Variants in ZNRF3 observed in about 807,000 individuals in gnomAD.
ZNRF3 encodes the protein zinc and ring finger 3.
ZNRF3 carries 23 observed loss-of-function variants against 72.5 expected under a neutral mutation model. That is an observed-to-expected ratio of 0.32 (90% confidence interval 0.23 to 0.45). The LOEUF is 0.45. Ranked by LOEUF, ZNRF3 falls within the 20% of genes least tolerant of loss-of-function variation. The pLI is 1.00. For synonymous variants in ZNRF3, 610 were observed against 545.3 expected (o/e 1.12, Z -1.65); for missense variants, 1,169 against 1,272.1 (o/e 0.92, Z 1.23).
chr22:29,042,344 T>G (rs921667111), intron 2 of ZNRF3, 151 bp from the exon 3 acceptor site: 2 of 611,124 alleles, frequency 3.3e-6, no homozygotes, highest in African/African-American at 3.7e-5. Context: ...ATGGGAAAAT[T>G]GAGGATTAGG....
chr22:28,937,565 A>T (rs1472404406), intron 1 of ZNRF3, among the ~76,000 whole-genome samples: 2 of 152,182 alleles, frequency 1.3e-5, no homozygotes, highest in Non-Finnish European at 2.9e-5. Context: ...TCAAACTTGC[A>T]TCTATCAGAA....
intron 1 of ZNRF3, among the ~76,000 whole-genome samples, chr22:28,937,213 A>AT (rs1250134241): frequency 1.4e-3 from 6 of 4,232 alleles, no homozygotes; most frequent in Admixed American, 6.7e-3. Context: ...ATATATATAT[A>AT]TATTTTTTTT....
intron 1 of ZNRF3, among the ~76,000 whole-genome samples, chr22:28,902,287 A>G (rs371164800): frequency 1.3e-5 from 2 of 152,138 alleles, no homozygotes; most frequent in Non-Finnish European, 2.9e-5. Flanking sequence ...TAGTTCTTCA[A>G]ACTACAACTT....
At chr22:29,039,499 G>A (rs1184008346) in intron 2 of ZNRF3, among the ~76,000 whole-genome samples, 2 of 152,088 alleles carry the variant, frequency 1.3e-5, no homozygotes, top group African/African-American at 4.8e-5. Flanking sequence ...CATTTTTAGT[G>A]CTTTTCCTCA....
intron 2 of ZNRF3, among the ~76,000 whole-genome samples, chr22:29,038,263 A>G (rs1326227219): frequency 1.3e-5 from 2 of 152,136 alleles, no homozygotes; most frequent in Non-Finnish European, 2.9e-5. Context: ...TGATTGGTTC[A>G]AGGAATATGC....
At chr22:29,028,012 T>TA (rs1169916139) in intron 2 of ZNRF3, among the ~76,000 whole-genome samples, 6 of 152,172 alleles carry the variant, frequency 3.9e-5, no homozygotes, top group African/African-American at 1.4e-4. Context: ...CTGTAGCTGT[T>TA]ATAAATGATT....
chr22:29,039,217 C>G (rs1264795884), intron 2 of ZNRF3, among the ~76,000 whole-genome samples: 1 of 152,150 alleles, frequency 6.6e-6, no homozygotes. Context: ...ACGTTCCGGG[C>G]GGAGCAGGGA....
At chr22:28,910,112 T>C (rs2034289689) in intron 1 of ZNRF3, among the ~76,000 whole-genome samples, 1 of 151,930 alleles carries the variant, frequency 6.6e-6, no homozygotes, top group African/African-American at 2.4e-5. Context: ...CTCAGCTCAC[T>C]GCAACCTCTG....
chr22:28,895,528 G>A (rs1409049607), intron 1 of ZNRF3, among the ~76,000 whole-genome samples: 6 of 152,062 alleles, frequency 3.9e-5, no homozygotes, highest in Admixed American at 1.3e-4. Flanking sequence ...TTAGCCAGGC[G>A]CAGTGGCGGG....
chr22:28,904,503 CTG>C (rs1165107424), intron 1 of ZNRF3, among the ~76,000 whole-genome samples: 1 of 152,244 alleles, frequency 6.6e-6, no homozygotes, highest in Admixed American at 6.5e-5. Flanking sequence ...TAGTTCCTAT[CTG>C]TGTGACAGCA....
chr22:28,900,116 C>CT, intron 1 of ZNRF3, among the ~76,000 whole-genome samples: 1 of 152,238 alleles, frequency 6.6e-6, no homozygotes, highest in South Asian at 2.1e-4. Context: ...CCTCTGGTAA[C>CT]TAACCTAGTG....
At chr22:28,895,238 G>A (rs1231216610) in intron 1 of ZNRF3, among the ~76,000 whole-genome samples, 1 of 152,178 alleles carries the variant, frequency 6.6e-6, no homozygotes, top group Non-Finnish European at 1.5e-5. Flanking sequence ...GTGACCAGAG[G>A]GCTCTTTTTG....
chr22:28,987,552 A>G (rs1029046933), intron 2 of ZNRF3, among the ~76,000 whole-genome samples: 6 of 152,216 alleles, frequency 3.9e-5, no homozygotes, highest in Non-Finnish European at 7.3e-5. Context: ...CAGATGTTTC[A>G]GAATTCTGAG....
At position 29,048,375 on chromosome 22, in the gene ZNRF3, C is replaced by T. The variant is rs768648847; in HGVS notation, c.913-14C>T. 5.6e-6 allele frequency: 9 copies of T among 1,611,508 alleles called. No individual in the cohort carries two copies. In the South Asian group the frequency reaches 9.9e-5, roughly 18 times the overall value. ...GGCTGAAGGCAGACTTGTGTCCCCT[C>T]TCTCCCTGCCCAGGAGCTGCGGGTC... On this transcript the variant is annotated splice_polypyrimidine_tract_variant and intron_variant, in intron 6 of 8. Coordinates refer to ENST00000544604, the MANE Select transcript of ZNRF3 (RefSeq NM_001206998.2). This position sits in a 1 kb window ranked among gnomAD's most constrained non-coding sequence, Gnocchi z 4.9.
At chr22:28,984,171 C>A (rs2035814508) in intron 1 of ZNRF3, among the ~76,000 whole-genome samples, 1 of 151,704 alleles carries the variant, frequency 6.6e-6, no homozygotes. Context: ...ATAAAATTCA[C>A]CATTTTAATC....
At chr22:28,969,835 A>G (rs978068492) in intron 1 of ZNRF3, among the ~76,000 whole-genome samples, 3 of 152,198 alleles carry the variant, frequency 2.0e-5, no homozygotes, top group African/African-American at 7.2e-5. Flanking sequence ...GCAGTAACCC[A>G]GAGGAGAAGT....
intron 2 of ZNRF3, among the ~76,000 whole-genome samples, chr22:29,014,814 A>G (rs1229161463): frequency 6.6e-6 from 1 of 152,236 alleles, no homozygotes; most frequent in Non-Finnish European, 1.5e-5. Context: ...GCAGATTGTG[A>G]TGCAGCTGCA....
intron 1 of ZNRF3, among the ~76,000 whole-genome samples, chr22:28,903,738 C>T (rs962357713): frequency 1.3e-5 from 2 of 152,012 alleles, no homozygotes; most frequent in East Asian, 1.9e-4. Context: ...GTGTGTTTTC[C>T]GCAAGAGGTT....
At chr22:28,963,419 G>A (rs2035401808) in intron 1 of ZNRF3, among the ~76,000 whole-genome samples, 1 of 152,184 alleles carries the variant, frequency 6.6e-6, no homozygotes, top group South Asian at 2.1e-4. Context: ...AGATGCACTA[G>A]ATGAAAATCA....
Sources: gnomAD v4.1 joint callset for allele counts (sites outside exome capture counted in the v4.1 genomes callset) on GRCh38, gnomAD v4.1.1 for gene constraint, Gnocchi (gnomAD v3.1) non-coding constraint, MANE v1.5 for transcripts, NCBI Gene and HGNC (gene_info 2026-07-23, HGNC 2026-07-21) for gene names.